The following SMAP1 variants were observed in gnomAD, a reference collection of about 807,000 sequenced individuals.
The protein encoded by SMAP1 is stromal membrane-associated protein 1.
A neutral mutation model predicts 58.5 loss-of-function variants in SMAP1; 24 were observed. That is an observed-to-expected ratio of 0.41 (90% confidence interval 0.30 to 0.58). SMAP1 has a LOEUF of 0.58. Among genes scored for constraint, SMAP1 ranks in the 20% least tolerant of loss-of-function variants. The pLI is 0.29. For synonymous variants in SMAP1, 216 were observed against 196.6 expected (o/e 1.10, Z -0.82); for missense variants, 563 against 566.3 (o/e 0.99, Z 0.06).
Position 70,857,002 on chromosome 6 carries a change from A to G in SMAP1, c.933A>G (p.Thr311=), listed in dbSNP as rs746712952. ...SKDSILSLYG[T]GTIQQQSTPG... is the part of the protein sequence containing the mutation. ...ACTCCATCTTATCTCTGTATGGCAC[A>G]GGAACCATTCAACAGCAAAGTACTC... Residue 311 remains threonine, a synonymous_variant, in exon 9 of 11, where the codon ACA becomes ACG. Coordinates refer to ENST00000370455, the MANE Select transcript of SMAP1 (RefSeq NM_001044305.3). 242 of 1,611,780 alleles carry G rather than the reference A, an allele frequency of 1.5e-4. No individual in the cohort carries two copies. Among genetic ancestry groups the G allele is most frequent in the Non-Finnish European group, 2.0e-4 (235 of 1,178,950 alleles).
chr6:70,785,899 C>T (rs1455203811), intron 4 of SMAP1, among the ~76,000 whole-genome samples: 1 of 152,228 alleles, frequency 6.6e-6, no homozygotes, highest in Non-Finnish European at 1.5e-5. Flanking sequence ...ACCATTCCTT[C>T]TGAAACGATT....
In SMAP1 at chr6:70,773,401, TA is replaced by T; in HGVS notation, c.395del (p.Asn132MetfsTer3). ...AATATGAAAAGAAGAAATACTACGATAAAAATGCCATAGCTATTACAAATGT... is the reference window on the plus strand; with the variant it reads ...AATATGAAAAGAAGAAATACTACGATAAAATGCCATAGCTATTACAAATGT... ...DKYEKKKYYDKNAIAITNISS... is the reference protein window; with the variant it reads ...DKYEKKKYYDXNAIAITNISS... On this transcript the variant is annotated frameshift_variant, in exon 4 of 11. Coordinates refer to ENST00000370455, the MANE Select transcript of SMAP1 (RefSeq NM_001044305.3). LOFTEE classifies it high-confidence loss of function. The T allele has an allele frequency of 1.3e-6, 2 of 1,569,386 alleles. No homozygotes were observed. The highest frequency in any genetic ancestry group is 1.1e-5 in the South Asian group (1 of 87,104).
chr6:70,740,690 T>A (rs1460124238), intron 2 of SMAP1, among the ~76,000 whole-genome samples: 1 of 152,208 alleles, frequency 6.6e-6, no homozygotes, highest in Admixed American at 6.5e-5. Flanking sequence ...GGGGCTAGAC[T>A]GTCTCTCCCC....
At chr6:70,757,927 G>T (rs969389941) in intron 3 of SMAP1, among the ~76,000 whole-genome samples, 15 of 152,004 alleles carry the variant, frequency 9.9e-5, no homozygotes, top group African/African-American at 3.4e-4. Context: ...TGGTGGGAAT[G>T]TAAACTAGTT....
rs566298529 is a variant in SMAP1 at position 70,814,126 on chromosome 6, T to C, written c.576+15389T>C. 6.6e-4 allele frequency among the ~76,000 whole-genome samples: 101 copies of C among 152,310 alleles called. 3 individuals are homozygous for C. The South Asian group carries it at 0.019, about 29-fold the overall frequency. On this transcript the variant is annotated intron_variant, in intron 6 of 10. Coordinates refer to ENST00000370455, the MANE Select transcript of SMAP1 (RefSeq NM_001044305.3). The stretch of plus-strand genomic sequence containing the variant: ...TTGGGAGTTTCTAGTCTCCCTGGTT[T>C]GCTGCCTGCCAAAAGATGGCTGTTC...
chr6:70,759,939 T>G (rs1766680087), intron 3 of SMAP1: 1 of 415,738 alleles, frequency 2.4e-6, no homozygotes, highest in African/African-American at 2.1e-5. Context: ...TTTTTATTTC[T>G]CAAAATAACT....
At chr6:70,781,343 A>G (rs1187612047) in intron 4 of SMAP1, among the ~76,000 whole-genome samples, 4 of 152,102 alleles carry the variant, frequency 2.6e-5, no homozygotes, top group Admixed American at 6.6e-5. Flanking sequence ...AGTTTCATTG[A>G]TGTTGTGTTT....
At chr6:70,767,826 G>T (rs1037733353) in intron 3 of SMAP1, among the ~76,000 whole-genome samples, 1 of 136,872 alleles carries the variant, frequency 7.3e-6, no homozygotes, top group Admixed American at 7.6e-5. Flanking sequence ...CCTGTCTTGT[G>T]CCCGTTTTCA....
At chr6:70,785,846 G>T (rs1427714786) in intron 4 of SMAP1, among the ~76,000 whole-genome samples, 1 of 152,196 alleles carries the variant, frequency 6.6e-6, no homozygotes, top group Non-Finnish European at 1.5e-5. Context: ...GGACCAGATG[G>T]ATTCACAGCC....
At chr6:70,799,754 G>A (rs955812353) in intron 6 of SMAP1, among the ~76,000 whole-genome samples, 3 of 152,096 alleles carry the variant, frequency 2.0e-5, no homozygotes, top group Admixed American at 1.3e-4. Context: ...TTTGTATATG[G>A]AATCTAAGCT....
At chr6:70,710,071 C>T (rs770685605) in intron 1 of SMAP1, among the ~76,000 whole-genome samples, 1 of 152,166 alleles carries the variant, frequency 6.6e-6, no homozygotes, top group East Asian at 1.9e-4. Flanking sequence ...ATGGTATAGC[C>T]TATTGCTCCT....
chr6:70,801,613 G>C (rs1185863755), intron 6 of SMAP1, among the ~76,000 whole-genome samples: 2 of 152,124 alleles, frequency 1.3e-5, no homozygotes, highest in Non-Finnish European at 2.9e-5. Context: ...GAATGGTATT[G>C]CCTAGGTTTT....
chr6:70,848,365 TTAAG>T (rs750142403), intron 7 of SMAP1, among the ~76,000 whole-genome samples: 55 of 152,202 alleles, frequency 3.6e-4, no homozygotes, highest in Non-Finnish European at 7.1e-4. Context: ...TTTAGACTGT[TTAAG>T]TAACTGCTTC....
chr6:70,782,400 G>A (rs917704240), intron 4 of SMAP1, among the ~76,000 whole-genome samples: 5 of 152,140 alleles, frequency 3.3e-5, no homozygotes, highest in Admixed American at 6.5e-5. Flanking sequence ...TGAATGTCAG[G>A]TGCTAAAGAT....
chr6:70,771,175 C>G (rs1244452275), intron 3 of SMAP1, among the ~76,000 whole-genome samples: 2 of 152,212 alleles, frequency 1.3e-5, no homozygotes, highest in Non-Finnish European at 2.9e-5. Context: ...GGGTGCCTCC[C>G]AGTTAGGCTG....
intron 2 of SMAP1, among the ~76,000 whole-genome samples, chr6:70,750,589 A>G (rs1020988399): frequency 1.3e-5 from 2 of 152,200 alleles, no homozygotes; most frequent in Non-Finnish European, 2.9e-5. Context: ...CAGTGACAGT[A>G]TGTTGGGCAG....
At chr6:70,859,402 A>G in intron 10 of SMAP1, 1 of 1,548,424 alleles carries the variant, frequency 6.5e-7, no homozygotes, top group Non-Finnish European at 8.7e-7. Flanking sequence ...AGGTGGTTAA[A>G]ATGTCCTTTA....
intron 3 of SMAP1, among the ~76,000 whole-genome samples, chr6:70,756,622 A>T (rs573063272): frequency 6.6e-6 from 1 of 152,096 alleles, no homozygotes; most frequent in Admixed American, 6.6e-5. Flanking sequence ...TTTCAGTATG[A>T]TGTAGAGTAG....
intron 7 of SMAP1, among the ~76,000 whole-genome samples, chr6:70,839,854 A>G (rs1770734535): frequency 6.6e-6 from 1 of 152,200 alleles, no homozygotes; most frequent in Admixed American, 6.5e-5. Context: ...TCAGCATAAA[A>G]TCGATGAATT....
Sources: gnomAD v4.1 joint callset for allele counts (sites outside exome capture counted in the v4.1 genomes callset) on GRCh38, gnomAD v4.1.1 for gene constraint, MANE v1.5 for transcripts, NCBI Gene and HGNC (gene_info 2026-07-23, HGNC 2026-07-21) for gene names.